TMEM87B: variants seen among roughly 807,000 people sequenced by gnomAD.
TMEM87B encodes transmembrane protein 87B.
TMEM87B carries 83 observed loss-of-function variants against 80.3 expected under a neutral mutation model. That is an observed-to-expected ratio of 1.03 (90% CI 0.87 to 1.24). TMEM87B has a LOEUF of 1.24. Among genes scored for constraint, TMEM87B ranks in the 50% most tolerant of loss-of-function variants. TMEM87B has a pLI of 0.00. For missense variants in TMEM87B, 625 were observed against 674.4 expected (o/e 0.93, Z 0.81); for synonymous variants, 219 against 230.5 (o/e 0.95, Z 0.45).
At chr2:112,068,863 T>C (rs966687310) in intron 4 of TMEM87B, among the ~76,000 whole-genome samples, 1 of 152,182 alleles carries the variant, frequency 6.6e-6, no homozygotes, top group Non-Finnish European at 1.5e-5. Context: ...TTTTAACTTT[T>C]ATTTTCAGGG....
At chr2:112,056,119 T>C (rs193115610) in intron 1 of TMEM87B, among the ~76,000 whole-genome samples, 2 of 152,224 alleles carry the variant, frequency 1.3e-5, no homozygotes, top group Non-Finnish European at 2.9e-5. Flanking sequence ...GATTCGACTC[T>C]TCCTGTCCGG....
At position 112,056,582 on chromosome 2, in the gene TMEM87B, A is replaced by T. The variant is rs572059452; in HGVS notation, c.165+826A>T. ...TTATCTCCGGCTTCTCTGGGGTCAG[A>T]TGACTCATCCAGCACTGTTTGGGAT... On this transcript the variant is annotated intron_variant, in intron 1 of 18. Coordinates refer to ENST00000283206, the MANE Select transcript of TMEM87B (RefSeq NM_032824.3). Among the ~76,000 whole-genome samples, 11 of 152,326 alleles carry T rather than the reference A, an allele frequency of 7.2e-5. No individual in the cohort carries two copies. The South Asian group carries it at 2.3e-3, about 32-fold the overall frequency.
intron 2 of TMEM87B, among the ~76,000 whole-genome samples, chr2:112,063,280 G>A (rs991543067): frequency 1.3e-5 from 2 of 152,192 alleles, no homozygotes; most frequent in Non-Finnish European, 2.9e-5. Flanking sequence ...CACTCACTCT[G>A]GGGTAAGCCA....
chr2:112,064,143 ACTTT>A lies in TMEM87B; in HGVS notation c.227-14_227-11del. 1 of 1,605,462 alleles carries A rather than the reference ACTTT, an allele frequency of 6.2e-7. No individual in the cohort carries two copies. The highest frequency in any genetic ancestry group is 8.5e-7 in the Non-Finnish European group (1 of 1,174,250). ...GTATGTATTATTCATGTAAAACAAGACTTTCTTTTTCTAAACAGTTAAGTCATTC... is the reference window on the plus strand; with the variant it reads ...GTATGTATTATTCATGTAAAACAAGACTTTTTCTAAACAGTTAAGTCATTC... On this transcript the variant is annotated splice_polypyrimidine_tract_variant and intron_variant, in intron 2 of 18. Transcript: ENST00000283206.
Position 112,091,724 on chromosome 2 carries a change from T to G in TMEM87B, c.1045T>G (p.Leu349Val), listed in dbSNP as rs1368219735. 1 of 1,613,032 alleles carries G rather than the reference T, an allele frequency of 6.2e-7. No individual in the cohort carries two copies. Among genetic ancestry groups the G allele is most frequent in the Non-Finnish European group, 8.5e-7 (1 of 1,179,276 alleles). Residue 349 changes from leucine to valine, a missense_variant, in exon 11 of 19, where the codon TTA (leucine) becomes GTA (valine). Leu to Val is a conservative substitution (Grantham distance 32). Transcript: ENST00000283206. The part of the protein sequence containing the change: ...VMRVIGGSNH[L>V]AVVLDDIILA... ...TTTTATCTTTCAGGGTTCTAACCAT[T>G]TAGCTGTTGTTCTTGATGACATTAT...
intron 11 of TMEM87B, among the ~76,000 whole-genome samples, chr2:112,096,041 C>T (rs560477527): frequency 7.9e-5 from 12 of 151,536 alleles, no homozygotes; most frequent in South Asian, 2.1e-4. Context: ...ATTTGTGTTC[C>T]GAGAAAAGAC....
intron 4 of TMEM87B, among the ~76,000 whole-genome samples, chr2:112,071,099 C>G (rs1396500270): frequency 1.3e-5 from 2 of 152,058 alleles, no homozygotes; most frequent in Non-Finnish European, 2.9e-5. Flanking sequence ...GCTGGGATTA[C>G]AGGCATGAGC....
chr2:112,075,097 A>C (rs1471076460), intron 5 of TMEM87B, 135 bp downstream of exon 5: 28 of 1,361,484 alleles, frequency 2.1e-5, no homozygotes, highest in Non-Finnish European at 2.4e-5. Context: ...AGGAAACATT[A>C]TTTAAAACCG....
At chr2:112,084,944 T>C (rs1409156186) in intron 8 of TMEM87B, among the ~76,000 whole-genome samples, 2 of 152,256 alleles carry the variant, frequency 1.3e-5, no homozygotes, top group African/African-American at 4.8e-5. Context: ...TTGCAGGCCA[T>C]ATGGTCTCTG....
intron 4 of TMEM87B, among the ~76,000 whole-genome samples, chr2:112,067,553 T>G (rs1398375655): frequency 1.3e-5 from 2 of 152,134 alleles, no homozygotes; most frequent in Non-Finnish European, 2.9e-5. Context: ...GAGCCATGAT[T>G]GCGCCACTGC....
chr2:112,055,373 T>G lies in TMEM87B; in HGVS notation c.-219T>G. 1 of 531,812 alleles carries G rather than the reference T, an allele frequency of 1.9e-6. No homozygotes were observed. Among genetic ancestry groups the G allele is most frequent in the Non-Finnish European group, 3.2e-6 (1 of 311,248 alleles). The allele number at this position is 531,812 out of a possible 1,614,324, so 32.9% of individuals were successfully genotyped here. A position where few individuals can be genotyped will look rare whatever the true frequency, so the allele number is the denominator to read the frequency against. On this transcript the variant is annotated 5_prime_UTR_variant, in exon 1 of 19. Transcript: ENST00000283206. The stretch of plus-strand genomic sequence containing the variant: ...TTCCAGGCATCTCCCAGCTGCACGC[T>G]CGGGCCCGGCTCAGAGCCCTAAGCC...
intron 17 of TMEM87B, among the ~76,000 whole-genome samples, chr2:112,111,666 A>G (rs1679921745): frequency 6.6e-6 from 1 of 152,258 alleles, no homozygotes; most frequent in Non-Finnish European, 1.5e-5. Context: ...GACTTTAAAC[A>G]CAGAGAAAAG....
intron 6 of TMEM87B, among the ~76,000 whole-genome samples, chr2:112,078,942 ATAGCGTGTATACAAG>A (rs1678905822): frequency 6.6e-6 from 1 of 152,212 alleles, no homozygotes; most frequent in Admixed American, 6.5e-5. Flanking sequence ...GGTTTTTAGA[ATAGCGTGTATACAAG>A]TAGAGGGATC....
Position 112,107,836 on chromosome 2 carries a change from G to A in TMEM87B, c.1573G>A (p.Asp525Asn). 2.5e-6 allele frequency: 4 copies of A among 1,584,010 alleles called. No homozygotes were observed. Among genetic ancestry groups the A allele is most frequent in the Non-Finnish European group, 3.5e-6 (4 of 1,157,228 alleles). The change falls in exon 17 of 19, where the codon GAT becomes AAT. Residue 525 changes from aspartate (D) to asparagine (N), a missense_variant. Transcript: ENST00000283206. The stretch of plus-strand genomic sequence containing the variant: ...AGAAAATATTCCCTCTTCATTCACA[G>A]ATGTGTAAGTTATCTTCTGTTACAG... ...VEENIPSSFTDVALPVLVDSD... is the reference protein window; with the variant it reads ...VEENIPSSFTNVALPVLVDSD...
chr2:112,097,358 T>G, intron 13 of TMEM87B, 67 bp downstream of exon 13: 1 of 1,293,024 alleles, frequency 7.7e-7, no homozygotes, highest in South Asian at 1.4e-5. Context: ...TTTGAACAAT[T>G]TAGTTTATGC....
At chr2:112,096,743 G>A (rs1430991159) in intron 11 of TMEM87B, among the ~76,000 whole-genome samples, 1 of 152,264 alleles carries the variant, frequency 6.6e-6, no homozygotes, top group African/African-American at 2.4e-5. Context: ...TTTAGTGCGT[G>A]CACTGCTCTA....
chr2:112,105,423 T>C (rs1287193935), intron 15 of TMEM87B, among the ~76,000 whole-genome samples: 3 of 152,220 alleles, frequency 2.0e-5, no homozygotes, highest in Admixed American at 6.5e-5. Context: ...TAGAAATTAT[T>C]ATTATCCCCA....
intron 16 of TMEM87B, 113 bp from the exon 17 acceptor site, chr2:112,107,675 T>C: frequency 2.0e-6 from 1 of 509,860 alleles, no homozygotes. Flanking sequence ...ATGTAGAAAC[T>C]AAAAGAATGT....
At chr2:112,079,775 TTTTTGA>T (rs1255028814) in intron 6 of TMEM87B, among the ~76,000 whole-genome samples, 2 of 152,216 alleles carry the variant, frequency 1.3e-5, no homozygotes, top group East Asian at 3.8e-4. Flanking sequence ...CTCTTTCATC[TTTTTGA>T]TAAAAGCCAT....
Sources: gnomAD v4.1 joint callset for allele counts (sites outside exome capture counted in the v4.1 genomes callset) on GRCh38, gnomAD v4.1.1 for gene constraint, MANE v1.5 for transcripts, NCBI Gene and HGNC (gene_info 2026-07-23, HGNC 2026-07-21) for gene names.